Variants in RPS6KC1 observed in about 807,000 individuals in gnomAD.
The protein encoded by RPS6KC1 is ribosomal protein S6 kinase C1.
A neutral mutation model predicts 103.8 loss-of-function variants in RPS6KC1; 54 were observed. The ratio of observed to expected loss-of-function variants is 0.52; its 90% confidence interval spans 0.42 to 0.65. The LOEUF is 0.65. RPS6KC1 is among the 30% of genes least tolerant of loss of function. The pLI is 0.00. For synonymous variants in RPS6KC1, 439 were observed against 438.7 expected (o/e 1.00, Z -0.01); for missense variants, 1,151 against 1,253.8 (o/e 0.92, Z 1.24).
At chr1:213,745,166 G>C in the RPS6KC1 span, among the ~76,000 whole-genome samples, 1 of 151,812 alleles carries the variant, frequency 6.6e-6, no homozygotes, top group Non-Finnish European at 1.5e-5. Context: ...TCTGATGGAA[G>C]AAAAATAGGT....
the RPS6KC1 span, among the ~76,000 whole-genome samples, chr1:213,401,581 T>C: frequency 7.5e-3 from 1,144 of 152,226 alleles, 21 homozygotes; most frequent in African/African-American, 0.026. Context: ...CATCACACTA[T>C]TAACTTACTA....
the RPS6KC1 span, among the ~76,000 whole-genome samples, chr1:213,474,535 G>A: frequency 6.6e-6 from 1 of 152,088 alleles, no homozygotes; most frequent in South Asian, 2.1e-4. Flanking sequence ...AGGCTGAAGG[G>A]GACCTTTCCA....
Position 213,240,882 on chromosome 1 carries a change from C to G in RPS6KC1, c.1406C>G (p.Ala469Gly). The G allele has an allele frequency of 6.2e-7, 1 of 1,613,902 alleles. No individual in the cohort carries two copies. Among genetic ancestry groups the G allele is most frequent in the Non-Finnish European group, 8.5e-7 (1 of 1,179,894 alleles). ...AGTGATGGTGGAAGCATGCTTAAAG[C>G]TCTGCCTTTGAAGAGTAGTCTTACT... ...RGSDGGSMLK[A>G]LPLKSSLTPS... Residue 469 changes from alanine (A) to glycine (G), a missense_variant, in exon 11 of 15, where the codon GCT becomes GGT. This residue lies in a region of RPS6KC1 where 959 missense variants were observed against 1,006.3 expected (regional missense o/e 0.95). Transcript: ENST00000366960.
chr1:213,108,133 A>T (rs1026747275), intron 4 of RPS6KC1, among the ~76,000 whole-genome samples: 47 of 151,922 alleles, frequency 3.1e-4, no homozygotes, highest in African/African-American at 1.1e-3. Context: ...ATTTATATAT[A>T]TTTTTTCTTT....
the RPS6KC1 span, among the ~76,000 whole-genome samples, chr1:213,565,785 T>A: frequency 6.6e-6 from 1 of 152,154 alleles, no homozygotes; most frequent in Admixed American, 6.6e-5. Flanking sequence ...AATGAAATCC[T>A]TGCTGACAGA....
chr1:213,269,289 C>A (rs191089202), intron 14 of RPS6KC1, among the ~76,000 whole-genome samples: 2 of 152,062 alleles, frequency 1.3e-5, no homozygotes, highest in East Asian at 3.9e-4. Context: ...CTAATAATGA[C>A]CTCAAAATAT....
the RPS6KC1 span, among the ~76,000 whole-genome samples, chr1:213,352,352 A>G: frequency 2.0e-5 from 3 of 152,242 alleles, no homozygotes; most frequent in African/African-American, 7.2e-5. Flanking sequence ...GCTGTGTATC[A>G]AGTAATAAGT....
the RPS6KC1 span, among the ~76,000 whole-genome samples, chr1:213,538,446 C>T: frequency 7.9e-5 from 12 of 152,082 alleles, no homozygotes; most frequent in South Asian, 2.1e-4. Flanking sequence ...CCACCTATGC[C>T]GAGGGAGCAG....
the RPS6KC1 span, among the ~76,000 whole-genome samples, chr1:213,542,910 G>C: frequency 6.6e-6 from 1 of 152,168 alleles, no homozygotes; most frequent in African/African-American, 2.4e-5. Flanking sequence ...GGTGAGGAGA[G>C]GGCCACGCAA....
intron 6 of RPS6KC1, among the ~76,000 whole-genome samples, chr1:213,167,439 A>AACACACACACACACACACACAC (rs199762137): frequency 2.6e-5 from 2 of 75,946 alleles, no homozygotes; most frequent in Non-Finnish European, 4.7e-5. Flanking sequence ...CAAGGTTGAA[A>AACACACACACACACACACACAC]ACACACACAC....
chr1:213,425,349 C>G, the RPS6KC1 span, among the ~76,000 whole-genome samples: 1 of 152,136 alleles, frequency 6.6e-6, no homozygotes, highest in Non-Finnish European at 1.5e-5. Context: ...TCTTTTGTTT[C>G]AGAAGCTGAT....
the RPS6KC1 span, among the ~76,000 whole-genome samples, chr1:213,636,862 A>T: frequency 1.3e-5 from 2 of 152,152 alleles, no homozygotes; most frequent in African/African-American, 4.8e-5. Flanking sequence ...TTTGCAATCT[A>T]CTCATCTGAC....
chr1:213,430,793 T>C, the RPS6KC1 span, among the ~76,000 whole-genome samples: 1 of 152,240 alleles, frequency 6.6e-6, no homozygotes, highest in South Asian at 2.1e-4. Context: ...CTGGAGTAAT[T>C]TTCCTGTTCT....
At chr1:213,244,755 A>G (rs1055673396) in intron 12 of RPS6KC1, among the ~76,000 whole-genome samples, 11 of 152,182 alleles carry the variant, frequency 7.2e-5, no homozygotes, top group Admixed American at 5.9e-4. Flanking sequence ...CAGAAATTAC[A>G]ATTCTCTTAG....
the RPS6KC1 span, among the ~76,000 whole-genome samples, chr1:213,495,469 A>C: frequency 6.6e-6 from 1 of 152,112 alleles, no homozygotes. Flanking sequence ...TTACAGGTGC[A>C]TGCCACCATG....
At chr1:213,588,923 A>G in the RPS6KC1 span, among the ~76,000 whole-genome samples, 1 of 152,294 alleles carries the variant, frequency 6.6e-6, no homozygotes, top group African/African-American at 2.4e-5. Context: ...CCAAAAGTAA[A>G]CCAAATGAGA....
the RPS6KC1 span, among the ~76,000 whole-genome samples, chr1:213,356,041 G>A: frequency 6.6e-6 from 1 of 152,172 alleles, no homozygotes; most frequent in Non-Finnish European, 1.5e-5. Context: ...ATTCAATACA[G>A]GTCAGTCTGG....
chr1:213,808,098 G>A, the RPS6KC1 span, among the ~76,000 whole-genome samples: 8 of 152,172 alleles, frequency 5.3e-5, no homozygotes, highest in South Asian at 2.1e-4. Flanking sequence ...GTGGTTTTTC[G>A]TGAACTGCGA....
At chr1:213,571,012 G>A in the RPS6KC1 span, among the ~76,000 whole-genome samples, 1 of 152,188 alleles carries the variant, frequency 6.6e-6, no homozygotes, top group Non-Finnish European at 1.5e-5. Context: ...AAATAAATTA[G>A]TCTTTAAATG....
Sources: allele counts gnomAD v4.1 joint callset (sites outside exome capture counted in the v4.1 genomes callset), GRCh38; gene constraint gnomAD v4.1.1; regional missense constraint gnomAD v4.1.1; transcripts MANE v1.5; gene names NCBI Gene and HGNC (gene_info 2026-07-23, HGNC 2026-07-21).